Variants in OR7C1 observed in about 807,000 individuals in gnomAD.
OR7C1 encodes the protein olfactory receptor family 7 subfamily C member 1.
For synonymous variants in OR7C1, 152 were observed against 160.7 expected (o/e 0.95, Z 0.41); for missense variants, 324 against 383.3 (o/e 0.85, Z 1.29).
chr19:14,827,607 G>C lies in OR7C1; in HGVS notation c.-623+7467C>G. On this transcript the variant is annotated intron_variant, in intron 1 of 4. Transcript: ENST00000641666. ...CTTAGAGTAAGAGTAAAGGATCCCA[G>C]TCAGGGGACCTCCACCCAGCAGCGC... 6.2e-7 allele frequency: 1 copy of C among 1,614,184 alleles called. No homozygotes were observed. The highest frequency in any genetic ancestry group is 1.6e-4 in the Middle Eastern group (1 of 6,062).
In OR7C1 at chr19:14,810,844, C is replaced by T. The variant is rs528230690; in HGVS notation, c.-622-851G>A. Among the ~76,000 whole-genome samples, 20 of 151,952 alleles carry T rather than the reference C, an allele frequency of 1.3e-4. 1 individual carries two copies. The highest frequency in any genetic ancestry group is 1.0e-3 in the Admixed American group (16 of 15,274). On this transcript the variant is annotated intron_variant, in intron 1 of 4. Transcript: ENST00000641666. ...TTTCTTGTCTCAGTTTCTCTGAGTT[C>T]AGTTATTCGGTTTCTTCATCTGGGC...
chr19:14,827,371 T>C, intron 1 of OR7C1: 6 of 1,612,042 alleles, frequency 3.7e-6, no homozygotes, highest in Non-Finnish European at 5.1e-6. Flanking sequence ...TTCCTCAGAC[T>C]ATAGATAAAG....
intron 1 of OR7C1, among the ~76,000 whole-genome samples, chr19:14,834,623 A>G (rs528799711): frequency 1.8e-3 from 270 of 152,296 alleles, no homozygotes; most frequent in Non-Finnish European, 3.3e-3. Context: ...TGGTATTTGC[A>G]AGCAATCCGT....
intron 1 of OR7C1, among the ~76,000 whole-genome samples, chr19:14,822,373 CTTTTTTTTTTTTTTTTTT>C (rs1162241411): frequency 2.5e-4 from 17 of 67,724 alleles, no homozygotes; most frequent in African/African-American, 8.1e-4. Flanking sequence ...TATCTCCTGT[CTTTTTTTTTTTTTTTTTT>C]TTTTTTTTTT....
chr19:14,810,040 C>A (rs1217546938), intron 1 of OR7C1, 47 bp from the exon 2 acceptor site: 1 of 151,908 alleles, frequency 6.6e-6, no homozygotes, highest in Non-Finnish European at 1.5e-5. Flanking sequence ...AGGCTGAATT[C>A]TCAGGGCTCC....
At chr19:14,799,684 G>C (rs1333082199) in exon 5 of OR7C1, 2 of 1,614,130 alleles carry the variant, frequency 1.2e-6, no homozygotes, top group Non-Finnish European at 1.7e-6. Context: ...CCATGACACT[G>C]ATGCACCAGG....
intron 1 of OR7C1, among the ~76,000 whole-genome samples, chr19:14,811,994 G>A (rs529192196): frequency 6.6e-6 from 1 of 151,952 alleles, no homozygotes; most frequent in South Asian, 2.1e-4. Flanking sequence ...TGGACCTATG[G>A]GGTGTAGGTG....
exon 4 of OR7C1, chr19:14,800,404 A>G (rs1047473911): frequency 5.1e-6 from 2 of 390,512 alleles, no homozygotes; most frequent in Non-Finnish European, 9.1e-6. Flanking sequence ...AACCAACAAG[A>G]TCAACAAGAG....
chr19:14,799,683 T>C, exon 5 of OR7C1: 1 of 1,614,078 alleles, frequency 6.2e-7, no homozygotes, highest in Non-Finnish European at 8.5e-7. Flanking sequence ...CCCATGACAC[T>C]GATGCACCAG....
At chr19:14,819,011 A>T (rs1391752845) in intron 1 of OR7C1, among the ~76,000 whole-genome samples, 1 of 150,844 alleles carries the variant, frequency 6.6e-6, no homozygotes, top group African/African-American at 2.4e-5. Context: ...GCACCTATTA[A>T]CTCGTCATTT....
intron 1 of OR7C1, among the ~76,000 whole-genome samples, chr19:14,811,347 C>T (rs1319113686): frequency 6.6e-6 from 1 of 151,890 alleles, no homozygotes; most frequent in Non-Finnish European, 1.5e-5. Flanking sequence ...TGTTCCTGAC[C>T]TTGCAGCTGC....
intron 2 of OR7C1, among the ~76,000 whole-genome samples, chr19:14,804,446 A>T (rs2044656714): frequency 6.6e-6 from 1 of 152,194 alleles, no homozygotes. Flanking sequence ...GAGGAGAGAA[A>T]ATTTGATTTC....
At chr19:14,802,067 A>T (rs755646180) in intron 2 of OR7C1, among the ~76,000 whole-genome samples, 1 of 151,108 alleles carries the variant, frequency 6.6e-6, no homozygotes, top group African/African-American at 2.4e-5. Context: ...TTAATTTTTT[A>T]AAAAAGGTGA....
chr19:14,803,502 G>A (rs2044652099), intron 2 of OR7C1, among the ~76,000 whole-genome samples: 1 of 151,894 alleles, frequency 6.6e-6, no homozygotes, highest in South Asian at 2.1e-4. Context: ...TGTTGAACAT[G>A]CCTGGCTCCC....
Position 14,801,826 on chromosome 19 carries a change from C to T in OR7C1, c.-434-1062G>A, listed in dbSNP as rs538204413. ...GAGAGCGCGCGCTAAGGCGGTAGCA[C>T]CATACTTTTAAACAACCAGATTTCA... On this transcript the variant is annotated intron_variant, in intron 2 of 4. Coordinates refer to ENST00000641666, the Ensembl canonical transcript of OR7C1. Among the ~76,000 whole-genome samples the T allele has an allele frequency of 5.9e-5, 9 of 152,292 alleles. No homozygotes were observed. The South Asian group carries it at 1.7e-3, about 28-fold the overall frequency.
intron 2 of OR7C1, among the ~76,000 whole-genome samples, chr19:14,808,884 C>T (rs2044678071): frequency 6.6e-6 from 1 of 151,996 alleles, no homozygotes; most frequent in Admixed American, 6.6e-5. Context: ...TACTATGTAA[C>T]ATTTGGTGAA....
chr19:14,831,653 C>T (rs1599927068), intron 1 of OR7C1, among the ~76,000 whole-genome samples: 2 of 152,154 alleles, frequency 1.3e-5, no homozygotes, highest in African/African-American at 4.8e-5. Context: ...CCATGTTAGC[C>T]AGGATGGTCT....
chr19:14,827,121 G>A, intron 1 of OR7C1: 2 of 630,066 alleles, frequency 3.2e-6, no homozygotes, highest in Non-Finnish European at 4.8e-6. Context: ...AGAGCAGAAA[G>A]CTTAATAAAA....
intron 1 of OR7C1, among the ~76,000 whole-genome samples, chr19:14,814,670 C>G (rs1463654551): frequency 6.6e-6 from 1 of 152,194 alleles, no homozygotes; most frequent in Non-Finnish European, 1.5e-5. Context: ...GGTGATCCAC[C>G]TGCCTCGGCC....
Sources: allele counts gnomAD v4.1 joint callset (sites outside exome capture counted in the v4.1 genomes callset), GRCh38; gene constraint gnomAD v4.1.1; transcripts MANE v1.5; gene names NCBI Gene and HGNC (gene_info 2026-07-23, HGNC 2026-07-21).